The following ZNF83 variants were observed in gnomAD, a reference collection of about 807,000 sequenced individuals.
ZNF83 encodes the protein zinc finger protein 83.
For missense variants in ZNF83, 552 were observed against 629.9 expected, an observed-to-expected ratio of 0.88 and a Z score of 1.32; for synonymous variants, 209 against 213.0, an observed-to-expected ratio of 0.98 and a Z score of 0.17.
intron 2 of ZNF83, among the ~76,000 whole-genome samples, chr19:52,620,861 T>A (rs1400254849): frequency 1.3e-5 from 2 of 152,128 alleles, no homozygotes; most frequent in Non-Finnish European, 2.9e-5. Context: ...CTCATGACAT[T>A]CTTCTTCTGG....
At chr19:52,658,801 G>T (rs2061540387) in intron 2 of ZNF83, among the ~76,000 whole-genome samples, 1 of 152,134 alleles carries the variant, frequency 6.6e-6, no homozygotes, top group African/African-American at 2.4e-5. Flanking sequence ...TGGCCCTCTA[G>T]CGGGAGGCTG....
chr19:52,652,121 C>A, intron 3 of ZNF83: 2 of 237,800 alleles, frequency 8.4e-6, no homozygotes. Flanking sequence ...TCCCTGATGT[C>A]TAATGCGGTG....
chr19:52,641,209 A>G (rs914631710), upstream of ZNF83, among the ~76,000 whole-genome samples: 1 of 151,982 alleles, frequency 6.6e-6, no homozygotes, highest in African/African-American at 2.4e-5. Context: ...TAGCTCTCCT[A>G]GGTTCCTGCT....
chr19:52,638,826 G>T (rs1364344728), upstream of ZNF83, among the ~76,000 whole-genome samples: 1 of 152,144 alleles, frequency 6.6e-6, no homozygotes, highest in Non-Finnish European at 1.5e-5. Flanking sequence ...CACCACCTGC[G>T]GCTTAAACAC....
intron 2 of ZNF83, among the ~76,000 whole-genome samples, chr19:52,624,811 C>T (rs2060676773): frequency 6.6e-6 from 1 of 152,140 alleles, no homozygotes. Flanking sequence ...CTATGCTCAA[C>T]TCACTCTCCA....
chr19:52,617,895 G>A (rs2147075303), intron 2 of ZNF83: 1 of 152,522 alleles, frequency 6.6e-6, no homozygotes, highest in East Asian at 1.9e-4. Context: ...CCAGCCCTAT[G>A]TTTCTGTAGG....
chr19:52,613,483 G>A lies in ZNF83; in HGVS notation c.1082C>T (p.Ala361Val), dbSNP rs762962861. ...ACCGGCATGAATTATCAGATGTTGG[G>A]CAAGGTATGAATTGCGACTGAAGAC... Residue 361 changes from alanine to valine, a missense_variant, in exon 3 of 3, where the codon GCC becomes GTC. Transcript: ENST00000301096. The A allele has an allele frequency of 3.7e-6, 6 of 1,613,526 alleles. No individual in the cohort carries two copies. Among genetic ancestry groups the A allele is most frequent in the Non-Finnish European group, 4.2e-6 (5 of 1,179,952 alleles).
intron 1 of ZNF83, among the ~76,000 whole-genome samples, chr19:52,672,645 G>C (rs999925410): frequency 5.3e-5 from 8 of 152,146 alleles, no homozygotes; most frequent in African/African-American, 1.7e-4. Context: ...TGTTGCCTAG[G>C]CTGGGGTGCA....
Position 52,653,685 on chromosome 19 carries a change from T to C in ZNF83, c.-74+1876A>G, listed in dbSNP as rs990655348. ...CTCCAGTATGAAGTCTATGATGGCG[T>C]GTAAGAGATGACTTGTGACCGAAGG... On this transcript the variant is annotated intron_variant, in intron 3 of 5. Coordinates refer to the ZNF83 transcript ENST00000594682. Among the ~76,000 whole-genome samples, 8 of 152,208 alleles carry C rather than the reference T, an allele frequency of 5.3e-5. No individual in the cohort carries two copies. In the East Asian group the frequency reaches 1.3e-3, roughly 26 times the overall value.
exon 3 of ZNF83, chr19:52,613,520 CATTACATTTGTAAGGTTT>C (rs2060185021): frequency 1.9e-6 from 3 of 1,614,080 alleles, no homozygotes; most frequent in Non-Finnish European, 2.5e-6. Context: ...TTGCCACATT[CATTACATTTGTAAGGTTT>C]CTCTCCAGTG....
exon 3 of ZNF83, chr19:52,613,067 G>C (rs925824032): frequency 1.2e-6 from 2 of 1,612,694 alleles, no homozygotes; most frequent in Middle Eastern, 1.7e-4. Flanking sequence ...TGACGTACAA[G>C]ATATGAATTG....
upstream of ZNF83, among the ~76,000 whole-genome samples, chr19:52,640,726 G>T (rs902039857): frequency 6.6e-6 from 1 of 152,044 alleles, no homozygotes; most frequent in Non-Finnish European, 1.5e-5. Flanking sequence ...ACTGAGGGGG[G>T]AGTTCGCCCC....
chr19:52,614,852 A>G (rs927880342), intron 2 of ZNF83, 55 bp from the exon 3 acceptor site: 9 of 1,229,266 alleles, frequency 7.3e-6, no homozygotes, highest in Non-Finnish European at 8.3e-6. Context: ...GTCAATAAAT[A>G]TCTCCTATTG....
chr19:52,651,314 C>A (rs2061438023), intron 3 of ZNF83: 1 of 152,204 alleles, frequency 6.6e-6, no homozygotes, highest in African/African-American at 2.4e-5. Flanking sequence ...GATTCTCACT[C>A]TGGGTGAAAA....
intron 1 of ZNF83, among the ~76,000 whole-genome samples, chr19:52,672,670 G>C (rs2061742662): frequency 6.6e-6 from 1 of 152,158 alleles, no homozygotes; most frequent in African/African-American, 2.4e-5. Flanking sequence ...CACGGTCTCG[G>C]CTCACTGCAA....
chr19:52,612,786 C>A, exon 3 of ZNF83: 2 of 501,780 alleles, frequency 4.0e-6, no homozygotes, highest in Non-Finnish European at 7.0e-6. Context: ...TTAGGTTTCT[C>A]ACCAGCAAGA....
chr19:52,649,469 G>A (rs543018996), intron 3 of ZNF83, among the ~76,000 whole-genome samples: 3 of 152,184 alleles, frequency 2.0e-5, no homozygotes, highest in South Asian at 2.1e-4. Context: ...CAGCCAAAAC[G>A]TTCCCATTGT....
chr19:52,649,486 G>A (rs1223989692), intron 3 of ZNF83, among the ~76,000 whole-genome samples: 2 of 152,078 alleles, frequency 1.3e-5, no homozygotes, highest in African/African-American at 4.8e-5. Flanking sequence ...TTGTAGACCA[G>A]AAATTCCCGA....
At chr19:52,633,053 C>T (rs1433857829) in intron 2 of ZNF83, among the ~76,000 whole-genome samples, 1 of 152,182 alleles carries the variant, frequency 6.6e-6, no homozygotes, top group Non-Finnish European at 1.5e-5. Flanking sequence ...GAATATCAGG[C>T]CTCTGAGCCC....
Sources: gnomAD v4.1 joint callset for allele counts (sites outside exome capture counted in the v4.1 genomes callset) on GRCh38, gnomAD v4.1.1 for gene constraint, MANE v1.5 for transcripts, NCBI Gene and HGNC (gene_info 2026-07-23, HGNC 2026-07-21) for gene names.